Variants in PLEK observed in about 807,000 individuals in gnomAD.
PLEK encodes pleckstrin.
Under a neutral mutation model 43.9 loss-of-function variants are expected in PLEK, and 25 were observed. The observed-to-expected ratio is 0.57, with a 90% CI of 0.41 to 0.79. The LOEUF (loss-of-function observed/expected upper bound fraction) is 0.79, where lower values mean the gene tolerates loss of function less well. PLEK is among the 30% of genes least tolerant of loss of function. The pLI is 0.00. For missense variants in PLEK, 396 were observed against 413.3 expected (o/e 0.96, Z 0.36); for synonymous variants, 152 against 144.4 (o/e 1.05, Z -0.38).
intron 1 of PLEK, among the ~76,000 whole-genome samples, chr2:68,372,561 T>C (rs1048006369): frequency 6.6e-6 from 1 of 152,150 alleles, no homozygotes; most frequent in African/African-American, 2.4e-5. Context: ...TCTTAGGTGC[T>C]AAATTATACC....
intron 6 of PLEK, among the ~76,000 whole-genome samples, chr2:68,392,130 C>T (rs919496293): frequency 6.8e-6 from 1 of 147,470 alleles, no homozygotes; most frequent in Middle Eastern, 3.4e-3. Flanking sequence ...TTCTTCCTTC[C>T]TCTTTCCTTC....
In PLEK at chr2:68,379,479, C is replaced by T. The variant is rs933780155; in HGVS notation, c.43-849C>T. ...TTTGTATTTTTCTCCTCAAAATAGGCAATTAAACATGTAAAAATAAATAAA... is the reference window on the plus strand; with the variant it reads ...TTTGTATTTTTCTCCTCAAAATAGGTAATTAAACATGTAAAAATAAATAAA... On this transcript the variant is annotated intron_variant, in intron 1 of 8. Coordinates refer to ENST00000234313, the MANE Select transcript of PLEK (RefSeq NM_002664.3). 2.0e-5 allele frequency among the ~76,000 whole-genome samples: 3 copies of T among 150,228 alleles called. No individual in the cohort carries two copies. In the East Asian group the frequency reaches 5.8e-4, roughly 29 times the overall value.
chr2:68,386,447 A>T (rs561278829), intron 4 of PLEK, 55 bp from the exon 5 acceptor site: 2 of 1,418,248 alleles, frequency 1.4e-6, no homozygotes, highest in East Asian at 4.6e-5. Flanking sequence ...GGTGATTGTC[A>T]GGGGCTTGTT....
rs1217562935 is a variant in PLEK, at chr2:68,371,697, G to C, written c.42+6304G>C. 1.4e-4 allele frequency among the ~76,000 whole-genome samples: 22 copies of C among 152,162 alleles called. 1 individual carries two copies. The highest frequency in any genetic ancestry group is 1.4e-3 in the Admixed American group (21 of 15,264). On this transcript the variant is annotated intron_variant, in intron 1 of 8. Transcript: ENST00000234313. ...TGAGCCTGAGCCATCCAGCTCCAGA[G>C]CCCATGGTCACCTGCAGGCTATGCT...
intron 7 of PLEK, among the ~76,000 whole-genome samples, 156 bp downstream of exon 7, chr2:68,393,401 C>T (rs990423810): frequency 6.6e-6 from 1 of 152,102 alleles, no homozygotes; most frequent in Non-Finnish European, 1.5e-5. Context: ...TTTTCTATCC[C>T]CTTTCAATGC....
chr2:68,380,213 G>A (rs997050066), intron 1 of PLEK, 115 bp from the exon 2 acceptor site: 5 of 790,600 alleles, frequency 6.3e-6, no homozygotes, highest in African/African-American at 3.5e-5. Flanking sequence ...CAGAGATGAT[G>A]TCACCAAACA....
At chr2:68,374,527 GT>G (rs1350248290) in intron 1 of PLEK, among the ~76,000 whole-genome samples, 1 of 152,124 alleles carries the variant, frequency 6.6e-6, no homozygotes, top group African/African-American at 2.4e-5. Flanking sequence ...TAACAACTTT[GT>G]TTTTTAATTG....
At chr2:68,378,154 A>T (rs1212810271) in intron 1 of PLEK, among the ~76,000 whole-genome samples, 1 of 152,166 alleles carries the variant, frequency 6.6e-6, no homozygotes, top group Non-Finnish European at 1.5e-5. Flanking sequence ...TTTATACATG[A>T]TCTAAATCTA....
chr2:68,371,375 G>A (rs76935870), intron 1 of PLEK, among the ~76,000 whole-genome samples: 3,540 of 152,252 alleles, frequency 0.023, 78 homozygotes, highest in African/African-American at 0.045. Flanking sequence ...TTAGAGAGAT[G>A]ATACCATCTT....
rs1673597687 is a variant in PLEK at position 68,380,795 on chromosome 2, G to A, written c.271G>A (p.Ala91Thr). 3.1e-6 allele frequency: 5 copies of A among 1,614,022 alleles called. No individual in the cohort carries two copies. The East Asian group carries it at 6.7e-5, about 22-fold the overall frequency. ...FQAAFLEERD[A>T]WVRDIKKAIK... ...GGCAGCCTTCCTGGAGGAGAGAGAT[G>A]CCTGGGTTCGGGATATCAAGAAGGC... The change falls in exon 3 of 9, where the codon GCC becomes ACC. Residue 91 changes from alanine to threonine, a missense_variant. Transcript: ENST00000234313.
In PLEK at chr2:68,388,431, T is replaced by C. The variant is rs377532169; in HGVS notation, c.702T>C (p.Asp234=). The change falls in exon 6 of 9, where the codon GAT becomes GAC. Residue 234 remains aspartate (D), a synonymous_variant. Transcript: ENST00000234313. ...FFCEENSSDD[D]VILKEEFRGV... ...GTGAAGAGAATTCCAGTGATGATGA[T>C]GTGATTCTGAAAGAAGAATTCAGAG... 3.7e-6 allele frequency: 6 copies of C among 1,612,272 alleles called. No homozygotes were observed. In the African/African-American group the frequency reaches 8.0e-5, roughly 22 times the overall value.
rs984634317 is a variant in PLEK at position 68,397,413 on chromosome 2, A to G, written c.*1597A>G. ...TAAAGTATTTATTAATGGGAAGTCA[A>G]CTTAATGTTTTGAAATAAATATATG... is the stretch of plus-strand genomic sequence containing the variant. On this transcript the variant is annotated 3_prime_UTR_variant, in exon 9 of 9. Coordinates refer to ENST00000234313, the MANE Select transcript of PLEK (RefSeq NM_002664.3). The G allele has an allele frequency of 1.3e-5, 2 of 152,246 alleles. No individual in the cohort carries two copies. Among genetic ancestry groups the G allele is most frequent in the Non-Finnish European group, 2.9e-5 (2 of 68,040 alleles). 9.4% of individuals were successfully genotyped at this position (152,246 alleles called of 1,614,324 possible).
chr2:68,393,773 G>A (rs1286399954), intron 7 of PLEK, among the ~76,000 whole-genome samples: 1 of 152,190 alleles, frequency 6.6e-6, no homozygotes, highest in Admixed American at 6.5e-5. Flanking sequence ...TGCATCAGGT[G>A]CATGGGACCA....
At chr2:68,381,133 CAGAGAGAGAGAG>C (rs10538878) in intron 3 of PLEK, among the ~76,000 whole-genome samples, 23 of 150,184 alleles carry the variant, frequency 1.5e-4, no homozygotes, top group African/African-American at 5.4e-4. Flanking sequence ...TACTGGGTAC[CAGAGAGAGAGAG>C]AGAGAGAGAG....
At chr2:68,366,610 G>A (rs965063629) in intron 1 of PLEK, among the ~76,000 whole-genome samples, 10 of 152,210 alleles carry the variant, frequency 6.6e-5, no homozygotes, top group Non-Finnish European at 1.5e-4. Flanking sequence ...ATTTGTGATG[G>A]TGAGAGCTAT....
At chr2:68,384,741 G>A (rs1024498969) in intron 4 of PLEK, among the ~76,000 whole-genome samples, 30 of 152,274 alleles carry the variant, frequency 2.0e-4, no homozygotes, top group African/African-American at 7.2e-4. Context: ...CTCACTGAGT[G>A]AGCGTGGATG....
In PLEK at chr2:68,365,359, CA is replaced by C; in HGVS notation, c.11del (p.Lys4SerfsTer9). The C allele has an allele frequency of 6.2e-7, 1 of 1,613,782 alleles. No individual in the cohort carries two copies. Among genetic ancestry groups the C allele is most frequent in the Non-Finnish European group, 8.5e-7 (1 of 1,179,774 alleles). ME[P>X]KRIREGYLVK... ...TCTGCCTGTCCAGCCAGCATGGAACCAAAGCGGATCAGAGAGGGCTACCTTG... is the reference window on the plus strand; with the variant it reads ...TCTGCCTGTCCAGCCAGCATGGAACCAAGCGGATCAGAGAGGGCTACCTTG... On this transcript the variant is annotated frameshift_variant, in exon 1 of 9. Transcript: ENST00000234313. LOFTEE classifies it high-confidence loss of function.
At chr2:68,370,615 A>G (rs993136751) in intron 1 of PLEK, among the ~76,000 whole-genome samples, 3 of 152,150 alleles carry the variant, frequency 2.0e-5, no homozygotes, top group Admixed American at 2.0e-4. Context: ...CCTCCCAAGT[A>G]ACTGGGACTA....
intron 6 of PLEK, among the ~76,000 whole-genome samples, chr2:68,391,802 A>G (rs780531843): frequency 6.6e-6 from 1 of 152,246 alleles, no homozygotes; most frequent in Non-Finnish European, 1.5e-5. Flanking sequence ...TGTATTGGCA[A>G]GATAGAAACT....
Sources: gnomAD v4.1 joint callset for allele counts (sites outside exome capture counted in the v4.1 genomes callset) on GRCh38, gnomAD v4.1.1 for gene constraint, MANE v1.5 for transcripts, NCBI Gene and HGNC (gene_info 2026-07-23, HGNC 2026-07-21) for gene names.